Variants in NDUFB6 observed in about 807,000 individuals in gnomAD.
The protein encoded by NDUFB6 is NADH dehydrogenase [ubiquinone] 1 beta subcomplex subunit 6.
In NDUFB6, 23 loss-of-function variants were observed where a neutral mutation model predicts 17.5. That is an observed-to-expected ratio of 1.31 (90% confidence interval 0.94 to 1.86). The LOEUF is 1.86. Ranked by LOEUF, NDUFB6 falls within the 40% of genes most tolerant of loss-of-function variation. NDUFB6 has a pLI of 0.00. For missense variants in NDUFB6, 167 were observed against 153.8 expected (o/e 1.09, Z -0.46); for synonymous variants, 60 against 53.5 (o/e 1.12, Z -0.53).
chr9:32,566,954 C>T (rs1821812187), intron 2 of NDUFB6: 3 of 522,718 alleles, frequency 5.7e-6, no homozygotes, highest in South Asian at 3.5e-5. Flanking sequence ...GTGAGCAGCA[C>T]CAGCTCGGCA....
chr9:32,568,039 G>A (rs1272505820), intron 2 of NDUFB6: 1 of 167,072 alleles, frequency 6.0e-6, no homozygotes, highest in East Asian at 1.9e-4. Flanking sequence ...GACACAGCAA[G>A]ACCTTGTCTC....
intron 3 of NDUFB6, among the ~76,000 whole-genome samples, chr9:32,558,105 T>C (rs908805121): frequency 1.4e-5 from 2 of 138,032 alleles, no homozygotes; most frequent in South Asian, 4.8e-4. Context: ...AGCTCACACA[T>C]TCATAGTATA....
chr9:32,572,452 T>C (rs976944179), intron 1 of NDUFB6, among the ~76,000 whole-genome samples: 3 of 152,342 alleles, frequency 2.0e-5, no homozygotes, highest in African/African-American at 7.2e-5. Flanking sequence ...AGCTAGGGGC[T>C]GGCTGTGCCC....
chr9:32,566,661 T>A lies in NDUFB6; in HGVS notation c.273+4299A>T, dbSNP rs1436289524. 3.7e-5 allele frequency: 30 copies of A among 806,030 alleles called. No homozygotes were observed. In the Admixed American group the frequency reaches 5.1e-4, roughly 14 times the overall value. 49.9% of individuals were successfully genotyped at this position (806,030 alleles called of 1,614,324 possible). A position where few individuals can be genotyped will look rare whatever the true frequency, so the allele number is the denominator to read the frequency against. Reference sequence around the variant, plus strand: ...GGAGCAGGAGCTCACCTCTCTCAGGTAACTCCGGATCCGGCTTTCACAGCT... The same window carrying A: ...GGAGCAGGAGCTCACCTCTCTCAGGAAACTCCGGATCCGGCTTTCACAGCT... On this transcript the variant is annotated intron_variant, in intron 2 of 3. Coordinates refer to ENST00000379847, the MANE Select transcript of NDUFB6 (RefSeq NM_002493.5).
At chr9:32,560,832 A>T (rs1821604447) in intron 2 of NDUFB6, among the ~76,000 whole-genome samples, 2 of 152,226 alleles carry the variant, frequency 1.3e-5, no homozygotes, top group Non-Finnish European at 2.9e-5. Flanking sequence ...ATAGTTTAAT[A>T]GAATTTTAAA....
In NDUFB6 at chr9:32,555,064, T is replaced by C. The variant is rs565797472; in HGVS notation, c.319-1120A>G. Among the ~76,000 whole-genome samples, 81 of 151,716 alleles carry C rather than the reference T, an allele frequency of 5.3e-4. 1 individual carries two copies. The highest frequency in any genetic ancestry group is 6.8e-3 in the Middle Eastern group (2 of 294). The stretch of plus-strand genomic sequence containing the variant: ...AAATGGAGAGGACGAGAGAACACTT[T>C]GGTGCACGCTAGAGACTTTCTGTTC... On this transcript the variant is annotated intron_variant, in intron 3 of 3. Coordinates refer to ENST00000379847, the MANE Select transcript of NDUFB6 (RefSeq NM_002493.5).
chr9:32,563,490 G>GTTTTTTTTTTTTTTTTTTT (rs1239149080), intron 2 of NDUFB6, among the ~76,000 whole-genome samples: 3 of 47,560 alleles, frequency 6.3e-5, no homozygotes, highest in African/African-American at 2.7e-4. Flanking sequence ...GGACTATTGG[G>GTTTTTTTTTTTTTTTTTTT]CTTTTTTTTT....
intron 2 of NDUFB6, among the ~76,000 whole-genome samples, chr9:32,570,645 AAGG>A (rs1821916685): frequency 6.6e-6 from 1 of 152,180 alleles, no homozygotes; most frequent in South Asian, 2.1e-4. Context: ...GGTTTTTAAA[AAGG>A]AGCAGAATTG....
chr9:32,569,852 C>T (rs1449322746), intron 2 of NDUFB6, among the ~76,000 whole-genome samples: 1 of 94,524 alleles, frequency 1.1e-5, no homozygotes, highest in East Asian at 2.2e-4. Flanking sequence ...GCATATACAT[C>T]GTTCTTTTAC....
chr9:32,572,500 C>G (rs187090538), intron 1 of NDUFB6, among the ~76,000 whole-genome samples: 1 of 152,132 alleles, frequency 6.6e-6, no homozygotes, highest in Admixed American at 6.5e-5. Context: ...GTCTCTAGAA[C>G]CTCACACTTA....
In NDUFB6 at chr9:32,563,170, A is replaced by T. The variant is rs973512240; in HGVS notation, c.274-4216T>A. Among the ~76,000 whole-genome samples the T allele has an allele frequency of 6.6e-5, 10 of 152,336 alleles. 2 individuals carry two copies. In the South Asian group the frequency reaches 2.1e-3, roughly 32 times the overall value. Reference sequence around the variant, plus strand: ...TTCTTATTGCAGCCTATCAAGTAACATAATTTCAGTTTGCCCCATTATCAA... The same window carrying T: ...TTCTTATTGCAGCCTATCAAGTAACTTAATTTCAGTTTGCCCCATTATCAA... On this transcript the variant is annotated intron_variant, in intron 2 of 3. Coordinates refer to ENST00000379847, the MANE Select transcript of NDUFB6 (RefSeq NM_002493.5).
intron 1 of NDUFB6, among the ~76,000 whole-genome samples, chr9:32,571,294 ACAAGG>A (rs60148057): frequency 0.38 from 57,267 of 151,864 alleles, 11,421 homozygotes; most frequent in South Asian, 0.46. Flanking sequence ...CAAGACTATA[ACAAGG>A]CATTTATAGA....
In NDUFB6 at chr9:32,553,018, T is replaced by C. The variant is rs1421775819; in HGVS notation, c.*858A>G. ...TCATAATGCAAAGTTCCCAAGTTTA[T>C]TTTTGCATTATCCTTTATAACAAGC... On this transcript the variant is annotated 3_prime_UTR_variant, in exon 4 of 4. Transcript: ENST00000379847. 8.5e-6 allele frequency: 5 copies of C among 591,572 alleles called. No homozygotes were observed. In the African/African-American group the frequency reaches 9.3e-5, roughly 11 times the overall value. 36.6% of individuals were successfully genotyped at this position (591,572 alleles called of 1,614,324 possible). A position where few individuals can be genotyped will look rare whatever the true frequency, so the allele number is the denominator to read the frequency against.
intron 2 of NDUFB6, among the ~76,000 whole-genome samples, chr9:32,559,552 C>T (rs976599766): frequency 5.9e-5 from 9 of 152,264 alleles, no homozygotes; most frequent in African/African-American, 2.2e-4. Flanking sequence ...TCCTAGGAGT[C>T]CAATTCAGTC....
intron 2 of NDUFB6, 105 bp downstream of exon 2, chr9:32,570,855 T>C: frequency 1.6e-6 from 1 of 644,890 alleles, no homozygotes; most frequent in East Asian, 3.2e-5. Context: ...TACTTCAAAA[T>C]CTGTTTATAA....
rs550295790 is a variant in NDUFB6, at chr9:32,564,875, A to T, written c.274-5921T>A. Among the ~76,000 whole-genome samples, 31 of 152,364 alleles carry T rather than the reference A, an allele frequency of 2.0e-4. No individual in the cohort carries two copies. The South Asian group carries it at 5.4e-3, about 26-fold the overall frequency. ...TGCACTATGTAAATGTATCAAGTTG[A>T]ATCATGAAATTAACGATCGCTCACC... On this transcript the variant is annotated intron_variant, in intron 2 of 3. Transcript: ENST00000379847.
chr9:32,555,002 C>G (rs950755065), intron 3 of NDUFB6, among the ~76,000 whole-genome samples: 1 of 151,814 alleles, frequency 6.6e-6, no homozygotes, highest in African/African-American at 2.4e-5. Context: ...GAAGCATGAG[C>G]TCAGGCAAAA....
At chr9:32,557,249 C>T (rs150265064) in intron 3 of NDUFB6, among the ~76,000 whole-genome samples, 1 of 149,820 alleles carries the variant, frequency 6.7e-6, no homozygotes, top group Non-Finnish European at 1.5e-5. Context: ...ACTGCAACTT[C>T]TGCCTTCCAG....
intron 3 of NDUFB6, among the ~76,000 whole-genome samples, chr9:32,554,855 T>C (rs532731253): frequency 4.6e-5 from 7 of 151,948 alleles, no homozygotes; most frequent in Non-Finnish European, 8.8e-5. Flanking sequence ...TGGCAAACTA[T>C]TTAGCAAAAT....
Sources: allele counts gnomAD v4.1 joint callset (sites outside exome capture counted in the v4.1 genomes callset), GRCh38; gene constraint gnomAD v4.1.1; transcripts MANE v1.5; gene names NCBI Gene and HGNC (gene_info 2026-07-23, HGNC 2026-07-21).